Variants in CDH18 observed in about 807,000 individuals in gnomAD.
CDH18 encodes cadherin-18.
A neutral mutation model predicts 67.9 loss-of-function variants in CDH18; 31 were observed. That is an observed-to-expected ratio of 0.46 (90% CI 0.34 to 0.62). The LOEUF (loss-of-function observed/expected upper bound fraction) is 0.62. Ranked by LOEUF, CDH18 falls within the 20% of genes least tolerant of loss-of-function variation. CDH18 has a pLI of 0.01. For synonymous variants in CDH18, 362 were observed against 347.2 expected, an observed-to-expected ratio of 1.04 and a Z score of -0.48; for missense variants, 890 against 975.5, an observed-to-expected ratio of 0.91 and a Z score of 1.17.
At chr5:20,340,977 C>A (rs904051165) in intron 1 of CDH18, among the ~76,000 whole-genome samples, 4 of 152,100 alleles carry the variant, frequency 2.6e-5, no homozygotes, top group African/African-American at 9.7e-5. Flanking sequence ...AGAGCAAACA[C>A]TTTGTCTTCC....
At chr5:20,095,745 C>T (rs942689758) in intron 2 of CDH18, among the ~76,000 whole-genome samples, 11 of 145,682 alleles carry the variant, frequency 7.6e-5, no homozygotes, top group African/African-American at 2.5e-4. Context: ...ACTTTGATAC[C>T]GAAGTTATAA....
rs560540201 is a variant in CDH18, at chr5:20,001,898, G to A, written c.-517-9884C>T. Among the ~76,000 whole-genome samples the A allele has an allele frequency of 1.2e-3, 178 of 152,250 alleles. 1 individual carries two copies. The Middle Eastern group carries it at 0.027, about 23-fold the overall frequency. Reference sequence around the variant, plus strand: ...GATAGGTTATTCCCGGAACTCTGCAGTCACATTGAGCATACACATAGGCCT... The same window carrying A: ...GATAGGTTATTCCCGGAACTCTGCAATCACATTGAGCATACACATAGGCCT... On this transcript the variant is annotated intron_variant, in intron 2 of 14. Coordinates refer to the CDH18 transcript ENST00000507958.
chr5:19,762,903 G>C (rs1772557758), intron 3 of CDH18, among the ~76,000 whole-genome samples: 1 of 152,156 alleles, frequency 6.6e-6, no homozygotes, highest in Non-Finnish European at 1.5e-5. Flanking sequence ...ATACACCATG[G>C]AATACTATGC....
At chr5:19,960,756 T>C (rs1034949723) in intron 2 of CDH18, among the ~76,000 whole-genome samples, 2 of 119,594 alleles carry the variant, frequency 1.7e-5, no homozygotes, top group South Asian at 2.2e-4. Context: ...TGTATATATA[T>C]GTATATATGT....
At chr5:20,073,593 G>T (rs1053671974) in intron 2 of CDH18, among the ~76,000 whole-genome samples, 1 of 151,862 alleles carries the variant, frequency 6.6e-6, no homozygotes, top group South Asian at 2.1e-4. Context: ...TTCTGCAGAG[G>T]TATATCCAGA....
chr5:20,319,940 A>G lies in CDH18; in HGVS notation c.-579-64435T>C, dbSNP rs189835431. 7.9e-5 allele frequency among the ~76,000 whole-genome samples: 12 copies of G among 152,310 alleles called. No individual in the cohort carries two copies. The East Asian group carries it at 1.5e-3, about 20-fold the overall frequency. ...TAATACACTTTAATTAACCTGATAA[A>G]TACCTAACAAACTTAGTCTTTTGAT... is the stretch of plus-strand genomic sequence containing the variant. On this transcript the variant is annotated intron_variant, in intron 1 of 14. Coordinates refer to the CDH18 transcript ENST00000507958.
chr5:20,479,612 C>T (rs796475440), intron 1 of CDH18, among the ~76,000 whole-genome samples: 10 of 152,082 alleles, frequency 6.6e-5, no homozygotes, highest in Admixed American at 1.3e-4. Context: ...AGCATGACTA[C>T]AAGATCTAGA....
At chr5:20,437,193 A>G (rs796391563) in intron 1 of CDH18, among the ~76,000 whole-genome samples, 5 of 151,438 alleles carry the variant, frequency 3.3e-5, no homozygotes, top group African/African-American at 1.2e-4. Flanking sequence ...TGAGGTGAAT[A>G]TAATGAAGAC....
chr5:19,484,033 C>T (rs1160360939), intron 11 of CDH18, among the ~76,000 whole-genome samples: 1 of 152,154 alleles, frequency 6.6e-6, no homozygotes, highest in Non-Finnish European at 1.5e-5. Context: ...TATAATATTT[C>T]TATGGAGACA....
At chr5:19,872,321 A>C (rs906327059) in intron 2 of CDH18, among the ~76,000 whole-genome samples, 4 of 152,206 alleles carry the variant, frequency 2.6e-5, no homozygotes, top group Non-Finnish European at 5.9e-5. Context: ...CTCTAAGGGC[A>C]GAACCTGTAG....
intron 2 of CDH18, among the ~76,000 whole-genome samples, chr5:20,082,897 A>C (rs1422907215): frequency 6.6e-6 from 1 of 152,176 alleles, no homozygotes; most frequent in African/African-American, 2.4e-5. Flanking sequence ...CTCTCAGAGG[A>C]ATCAACCCTG....
chr5:19,783,416 T>C (rs1406515750), intron 3 of CDH18, among the ~76,000 whole-genome samples: 1 of 152,186 alleles, frequency 6.6e-6, no homozygotes, highest in Admixed American at 6.5e-5. Context: ...CTCATATATT[T>C]CCATTTTAAT....
At chr5:20,004,662 A>T (rs2150406154) in intron 2 of CDH18, among the ~76,000 whole-genome samples, 1 of 152,366 alleles carries the variant, frequency 6.6e-6, no homozygotes, top group East Asian at 1.9e-4. Context: ...TTGTAAATTT[A>T]AAAGATGTCA....
At chr5:19,860,370 C>G (rs895332926) in intron 2 of CDH18, among the ~76,000 whole-genome samples, 47 of 151,502 alleles carry the variant, frequency 3.1e-4, no homozygotes, top group African/African-American at 1.0e-3. Flanking sequence ...AAGTTTATCT[C>G]AAACTCATCA....
intron 5 of CDH18, among the ~76,000 whole-genome samples, chr5:19,677,727 G>A (rs1338442120): frequency 1.3e-5 from 2 of 151,606 alleles, no homozygotes; most frequent in Non-Finnish European, 2.9e-5. Flanking sequence ...AATCTACCAA[G>A]CAAATGAGAA....
At chr5:20,221,705 C>T (rs938763921) in intron 2 of CDH18, among the ~76,000 whole-genome samples, 1 of 151,952 alleles carries the variant, frequency 6.6e-6, no homozygotes, top group Non-Finnish European at 1.5e-5. Context: ...GCATTATATG[C>T]CTGTATCAAA....
intron 2 of CDH18, among the ~76,000 whole-genome samples, chr5:20,051,908 C>T (rs1188786763): frequency 6.6e-6 from 1 of 151,984 alleles, no homozygotes; most frequent in African/African-American, 2.4e-5. Context: ...AGCACAAGTA[C>T]ATGGACAGAT....
chr5:20,256,680 G>T (rs183602904), intron 1 of CDH18, among the ~76,000 whole-genome samples: 1 of 152,060 alleles, frequency 6.6e-6, no homozygotes, highest in African/African-American at 2.4e-5. Flanking sequence ...AAAGACAGAA[G>T]AAGATGTGTC....
chr5:20,448,505 T>G (rs533217778), intron 1 of CDH18, among the ~76,000 whole-genome samples: 1 of 152,278 alleles, frequency 6.6e-6, no homozygotes, highest in Non-Finnish European at 1.5e-5. Flanking sequence ...GATTCTATAT[T>G]AGAAAAATGA....
Sources: allele counts gnomAD v4.1 joint callset (sites outside exome capture counted in the v4.1 genomes callset), GRCh38; gene constraint gnomAD v4.1.1; transcripts MANE v1.5; gene names NCBI Gene and HGNC (gene_info 2026-07-23, HGNC 2026-07-21).